Variants in DIAPH3 observed in about 807,000 individuals in gnomAD.
DIAPH3 encodes protein diaphanous homolog 3.
DIAPH3 carries 117 observed loss-of-function variants against 144.3 expected under a neutral mutation model. The ratio of observed to expected loss-of-function variants is 0.81; its 90% CI spans 0.70 to 0.95. DIAPH3 has a LOEUF of 0.95. Among genes scored for constraint, DIAPH3 ranks in the 40% least tolerant of loss-of-function variants. DIAPH3 has a pLI of 0.00. For synonymous variants in DIAPH3, 519 were observed against 488.9 expected, an observed-to-expected ratio of 1.06 and a Z score of -0.81; for missense variants, 1,421 against 1,412.7, an observed-to-expected ratio of 1.01 and a Z score of -0.09.
intron 27 of DIAPH3, among the ~76,000 whole-genome samples, chr13:59,760,320 T>C (rs376824750): frequency 6.6e-6 from 1 of 152,232 alleles, no homozygotes; most frequent in African/African-American, 2.4e-5. Flanking sequence ...AATAGCACTT[T>C]GGATTTAATA....
chr13:59,713,618 T>G (rs1448438487), intron 27 of DIAPH3, among the ~76,000 whole-genome samples: 1 of 91,072 alleles, frequency 1.1e-5, no homozygotes, highest in African/African-American at 3.8e-5. Context: ...TGAGTTAATA[T>G]TTGAGGAAGG....
chr13:59,910,826 GT>G (rs551829721), intron 20 of DIAPH3, among the ~76,000 whole-genome samples: 190 of 142,704 alleles, frequency 1.3e-3, no homozygotes, highest in African/African-American at 1.7e-3. Context: ...TCTATTTGGA[GT>G]TTTTTTTTTT....
At chr13:59,898,151 A>G (rs1395530759) in intron 20 of DIAPH3, among the ~76,000 whole-genome samples, 33 of 150,410 alleles carry the variant, frequency 2.2e-4, no homozygotes, top group South Asian at 1.1e-3. Context: ...AAAAAAAAAA[A>G]AAAAAGAAAA....
At chr13:59,687,584 G>A (rs930492601) in intron 27 of DIAPH3, among the ~76,000 whole-genome samples, 4 of 151,982 alleles carry the variant, frequency 2.6e-5, no homozygotes, top group South Asian at 4.1e-4. Context: ...TTGATAAGAC[G>A]TCAGGACAAA....
chr13:60,115,378 A>C (rs1475598725), intron 2 of DIAPH3, among the ~76,000 whole-genome samples: 2 of 152,216 alleles, frequency 1.3e-5, no homozygotes, highest in African/African-American at 4.8e-5. Context: ...CAAGAACTGC[A>C]AGAGATCAGT....
chr13:59,719,830 C>T (rs1593664307), intron 27 of DIAPH3, among the ~76,000 whole-genome samples: 1 of 151,982 alleles, frequency 6.6e-6, no homozygotes, highest in Admixed American at 6.5e-5. Context: ...CAGAGGGAAC[C>T]CAAGTCTGTG....
intron 3 of DIAPH3, among the ~76,000 whole-genome samples, chr13:60,094,364 G>C (rs73218527): frequency 0.022 from 3,290 of 152,208 alleles, 60 homozygotes; most frequent in Non-Finnish European, 0.032. Flanking sequence ...CAAAATAAGG[G>C]TTTAAGTAAC....
intron 27 of DIAPH3, among the ~76,000 whole-genome samples, chr13:59,691,719 A>G (rs1226537949): frequency 6.6e-6 from 1 of 152,196 alleles, no homozygotes; most frequent in Non-Finnish European, 1.5e-5. Flanking sequence ...GTAAACAAGG[A>G]GGAAAGAATG....
chr13:60,143,989 T>C (rs1271073384), intron 1 of DIAPH3, among the ~76,000 whole-genome samples: 1 of 152,164 alleles, frequency 6.6e-6, no homozygotes, highest in Non-Finnish European at 1.5e-5. Flanking sequence ...ATGATCTCAT[T>C]TCCTTCTTCC....
intron 5 of DIAPH3, among the ~76,000 whole-genome samples, chr13:60,024,252 A>G (rs990558794): frequency 6.6e-6 from 1 of 152,154 alleles, no homozygotes; most frequent in African/African-American, 2.4e-5. Flanking sequence ...TTATAGACCC[A>G]TAATTCCCTG....
chr13:59,735,606 T>C (rs1397628935), intron 27 of DIAPH3, among the ~76,000 whole-genome samples: 1 of 152,126 alleles, frequency 6.6e-6, no homozygotes, highest in East Asian at 1.9e-4. Flanking sequence ...CAGGTGTCTA[T>C]TTTCTATAAG....
intron 21 of DIAPH3, among the ~76,000 whole-genome samples, chr13:59,874,146 A>T (rs887657053): frequency 6.6e-6 from 1 of 152,180 alleles, no homozygotes; most frequent in African/African-American, 2.4e-5. Flanking sequence ...TTTCAAGTTG[A>T]GTATGAAAAT....
chr13:60,052,179 C>A (rs1566715698), intron 4 of DIAPH3, among the ~76,000 whole-genome samples: 1 of 152,010 alleles, frequency 6.6e-6, no homozygotes, highest in African/African-American at 2.4e-5. Flanking sequence ...GAAGTAAGGG[C>A]ATGGCAGGAA....
intron 21 of DIAPH3, among the ~76,000 whole-genome samples, chr13:59,869,479 A>G (rs1022649512): frequency 1.3e-5 from 2 of 152,208 alleles, no homozygotes; most frequent in African/African-American, 4.8e-5. Context: ...TTACCCATAT[A>G]CCGGATTGTG....
At chr13:60,037,334 C>T (rs188277485) in intron 5 of DIAPH3, among the ~76,000 whole-genome samples, 1 of 151,862 alleles carries the variant, frequency 6.6e-6, no homozygotes, top group East Asian at 1.9e-4. Context: ...CATATACACA[C>T]AGTTATAATA....
chr13:59,996,682 G>T (rs1015622291), intron 9 of DIAPH3, among the ~76,000 whole-genome samples: 1 of 151,856 alleles, frequency 6.6e-6, no homozygotes, highest in African/African-American at 2.4e-5. Context: ...ACATAACAGG[G>T]GCCAATAAAG....
chr13:59,877,712 T>C (rs942569012), intron 21 of DIAPH3, among the ~76,000 whole-genome samples: 2 of 151,908 alleles, frequency 1.3e-5, no homozygotes, highest in Admixed American at 6.6e-5. Flanking sequence ...TCTCCATCAT[T>C]AGGCAGGATA....
chr13:59,688,912 T>C (rs1280282078), intron 27 of DIAPH3, among the ~76,000 whole-genome samples: 7 of 152,122 alleles, frequency 4.6e-5, no homozygotes, highest in Admixed American at 4.6e-4. Flanking sequence ...ATGGGTTAAC[T>C]AATACTAACA....
At chr13:59,695,692 T>C (rs1192121600) in intron 27 of DIAPH3, among the ~76,000 whole-genome samples, 1 of 152,200 alleles carries the variant, frequency 6.6e-6, no homozygotes, top group African/African-American at 2.4e-5. Context: ...TACTGAAATG[T>C]ACACTTTACC....
Sources: allele counts gnomAD v4.1 joint callset (sites outside exome capture counted in the v4.1 genomes callset), GRCh38; gene constraint gnomAD v4.1.1; transcripts MANE v1.5; gene names NCBI Gene and HGNC (gene_info 2026-07-23, HGNC 2026-07-21).